GPR39: variants seen among roughly 807,000 people sequenced by gnomAD.
The protein encoded by GPR39 is zinc sensing receptor.
GPR39 carries 23 observed loss-of-function variants against 18.4 expected under a neutral mutation model. The ratio of observed to expected loss-of-function variants is 1.25; its 90% CI spans 0.90 to 1.77. GPR39 has a LOEUF of 1.77. Among genes scored for constraint, GPR39 ranks in the 40% most tolerant of loss-of-function variants. GPR39 has a pLI of 0.00. For missense variants in GPR39, 647 were observed against 602.4 expected (o/e 1.07, Z -0.78); for synonymous variants, 280 against 257.9 (o/e 1.09, Z -0.82).
At chr2:132,517,047 A>T (rs1170850286) in intron 1 of GPR39, among the ~76,000 whole-genome samples, 3 of 151,838 alleles carry the variant, frequency 2.0e-5, no homozygotes, top group Non-Finnish European at 4.4e-5. Context: ...AATAAGATAA[A>T]ATGCGCATTT....
At chr2:132,472,465 C>T (rs1350791365) in intron 1 of GPR39, among the ~76,000 whole-genome samples, 1 of 152,150 alleles carries the variant, frequency 6.6e-6, no homozygotes, top group Non-Finnish European at 1.5e-5. Flanking sequence ...AGAAGCTTTG[C>T]TTCCTGGGAG....
rs1231793778 is a variant in GPR39, at chr2:132,486,920, C to G, written c.856+69022C>G. 2.0e-5 allele frequency among the ~76,000 whole-genome samples: 3 copies of G among 152,214 alleles called. No homozygotes were observed. In the East Asian group the frequency reaches 5.8e-4, roughly 29 times the overall value. On this transcript the variant is annotated intron_variant, in intron 1 of 1. Coordinates refer to ENST00000329321, the MANE Select transcript of GPR39 (RefSeq NM_001508.3). ...AGGCCTAACTTTCAGCCTAACTCGG[C>G]TTTCGACAAGCCTTTCTTACTAAGC...
chr2:132,576,451 G>C (rs936564603), intron 1 of GPR39, among the ~76,000 whole-genome samples: 110 of 152,118 alleles, frequency 7.2e-4, no homozygotes, highest in African/African-American at 2.6e-3. Context: ...CCAGGAATTC[G>C]AGACCAGCCT....
chr2:132,623,927 A>C (rs1239825914), intron 1 of GPR39, among the ~76,000 whole-genome samples: 1 of 152,026 alleles, frequency 6.6e-6, no homozygotes, highest in Non-Finnish European at 1.5e-5. Context: ...CACTCCCTTG[A>C]CCACCCCCTC....
intron 1 of GPR39, among the ~76,000 whole-genome samples, chr2:132,637,623 G>A (rs993973515): frequency 4.6e-5 from 7 of 152,204 alleles, no homozygotes; most frequent in African/African-American, 7.2e-5. Context: ...CTGCATAAAC[G>A]AAGACCTCCA....
chr2:132,463,467 A>T (rs924327457), intron 1 of GPR39, among the ~76,000 whole-genome samples: 1 of 130,118 alleles, frequency 7.7e-6, no homozygotes, highest in African/African-American at 2.9e-5. Flanking sequence ...TTCCCTCCCC[A>T]CTTCCCTGGC....
At chr2:132,450,310 T>C (rs1249113779) in intron 1 of GPR39, among the ~76,000 whole-genome samples, 1 of 152,224 alleles carries the variant, frequency 6.6e-6, no homozygotes, top group Non-Finnish European at 1.5e-5. Flanking sequence ...CCACCAACAT[T>C]GAGCTTTCTG....
At chr2:132,475,063 T>C (rs1180404545) in intron 1 of GPR39, among the ~76,000 whole-genome samples, 2 of 152,164 alleles carry the variant, frequency 1.3e-5, no homozygotes, top group African/African-American at 4.8e-5. Flanking sequence ...CAATTTACTG[T>C]AGGCCATCAT....
chr2:132,552,192 A>G (rs569585999), intron 1 of GPR39, among the ~76,000 whole-genome samples: 1 of 152,312 alleles, frequency 6.6e-6, no homozygotes, highest in Non-Finnish European at 1.5e-5. Context: ...TATTTGATAT[A>G]TTAATAGTTT....
At chr2:132,486,696 G>A (rs995495661) in intron 1 of GPR39, among the ~76,000 whole-genome samples, 2 of 152,254 alleles carry the variant, frequency 1.3e-5, no homozygotes, top group African/African-American at 4.8e-5. Context: ...AAGAGAGTTA[G>A]AGTCTTGCTC....
At chr2:132,548,796 C>A (rs972263877) in intron 1 of GPR39, among the ~76,000 whole-genome samples, 1 of 152,118 alleles carries the variant, frequency 6.6e-6, no homozygotes, top group Non-Finnish European at 1.5e-5. Flanking sequence ...AGAAATGCAA[C>A]TTTTTGCCAT....
intron 1 of GPR39, among the ~76,000 whole-genome samples, chr2:132,590,557 G>A (rs956152722): frequency 3.3e-5 from 5 of 151,954 alleles, no homozygotes. Flanking sequence ...CAAGCAGATG[G>A]GGTTGCATTG....
chr2:132,554,022 G>A (rs1166070838), intron 1 of GPR39, among the ~76,000 whole-genome samples: 1 of 152,198 alleles, frequency 6.6e-6, no homozygotes, highest in African/African-American at 2.4e-5. Flanking sequence ...AGATGAGGCT[G>A]CTGTAGCCTC....
chr2:132,566,784 A>G (rs1573671513), intron 1 of GPR39, among the ~76,000 whole-genome samples: 2 of 152,218 alleles, frequency 1.3e-5, no homozygotes, highest in African/African-American at 4.8e-5. Flanking sequence ...TTCCCTGGTC[A>G]TTTCCCAATA....
At position 132,458,335 on chromosome 2, in the gene GPR39, T is replaced by A. The variant is rs192830202; in HGVS notation, c.856+40437T>A. 2.7e-3 allele frequency among the ~76,000 whole-genome samples: 418 copies of A among 152,144 alleles called. 5 individuals are homozygous for A. Among genetic ancestry groups the A allele is most frequent in the African/African-American group, 9.4e-3 (390 of 41,500 alleles). On this transcript the variant is annotated intron_variant, in intron 1 of 1. Transcript: ENST00000329321. Reference sequence around the variant, plus strand: ...TTATTTCTATAATGTTTTTATTTTTTAAAAAAAATTCACTTATTTCCAGAT... The same window carrying A: ...TTATTTCTATAATGTTTTTATTTTTAAAAAAAAATTCACTTATTTCCAGAT...
rs577826720 is a variant in GPR39, at chr2:132,429,401, G to A, written c.856+11503G>A. Among the ~76,000 whole-genome samples the A allele has an allele frequency of 2.6e-5, 4 of 152,334 alleles. No individual in the cohort carries two copies. In the East Asian group the frequency reaches 7.7e-4, roughly 29 times the overall value. On this transcript the variant is annotated intron_variant, in intron 1 of 1. Coordinates refer to ENST00000329321, the MANE Select transcript of GPR39 (RefSeq NM_001508.3). The stretch of plus-strand genomic sequence containing the variant: ...GTTTATCTTGCTTTTAGGCTACCCA[G>A]CAGCTTTTGGCTGCTTTTTATCTCT...
chr2:132,431,435 A>G (rs1680222513), intron 1 of GPR39, among the ~76,000 whole-genome samples: 1 of 152,270 alleles, frequency 6.6e-6, no homozygotes, highest in Non-Finnish European at 1.5e-5. Flanking sequence ...AAGAAAAACT[A>G]GTAAAATTTA....
chr2:132,575,878 G>C (rs1443743684), intron 1 of GPR39, among the ~76,000 whole-genome samples: 3 of 152,258 alleles, frequency 2.0e-5, no homozygotes, highest in East Asian at 3.9e-4. Flanking sequence ...TGGGTAATGA[G>C]GGTAGAAGCC....
chr2:132,583,413 C>T, intron 1 of GPR39, among the ~76,000 whole-genome samples: 1 of 141,506 alleles, frequency 7.1e-6, no homozygotes, highest in East Asian at 2.0e-4. Context: ...AAGCTGGGCA[C>T]ATTTAATCTA....
Sources: allele counts gnomAD v4.1 joint callset (sites outside exome capture counted in the v4.1 genomes callset), GRCh38; gene constraint gnomAD v4.1.1; transcripts MANE v1.5; gene names NCBI Gene and HGNC (gene_info 2026-07-23, HGNC 2026-07-21).